Variants in BRINP3 observed in about 807,000 individuals in gnomAD.
The protein encoded by BRINP3 is BMP/retinoic acid-inducible neural-specific protein 3.
BRINP3 carries 19 observed loss-of-function variants against 71.0 expected under a neutral mutation model. That is an observed-to-expected ratio of 0.27 (90% CI 0.19 to 0.39). The LOEUF (loss-of-function observed/expected upper bound fraction) is 0.39. BRINP3 is among the 10% of genes least tolerant of loss of function. The probability of loss-of-function intolerance (pLI) is 1.00; values close to 1 mark genes in which losing one functional copy is unlikely to be tolerated. For missense variants in BRINP3, 959 were observed against 940.8 expected (o/e 1.02, Z -0.25); for synonymous variants, 380 against 337.7 (o/e 1.13, Z -1.37).
intron 2 of BRINP3, among the ~76,000 whole-genome samples, chr1:190,412,470 T>TG (rs373736271): frequency 0.16 from 22,521 of 142,072 alleles, 1,941 homozygotes; most frequent in Middle Eastern, 0.2. Context: ...TTTTTTGTTT[T>TG]TTTTTTTTTT....
intron 1 of BRINP3, among the ~76,000 whole-genome samples, chr1:190,472,888 A>T (rs2102716660): frequency 6.6e-6 from 1 of 151,778 alleles, no homozygotes; most frequent in South Asian, 2.1e-4. Context: ...ACTTAATTAT[A>T]ATGTACAATA....
chr1:190,214,764 A>G (rs966402821), intron 6 of BRINP3, among the ~76,000 whole-genome samples: 6 of 151,994 alleles, frequency 3.9e-5, no homozygotes, highest in Non-Finnish European at 2.9e-5. Context: ...AATTAGGAAG[A>G]AGTCAATGGT....
chr1:190,097,907 T>C lies in BRINP3; in HGVS notation c.*111A>G, dbSNP rs567300221. ...TGCCATCCAATGTTATTGACTGATATAAGACAGATATTGAAAAGACAATTT... is the reference window on the plus strand; with the variant it reads ...TGCCATCCAATGTTATTGACTGATACAAGACAGATATTGAAAAGACAATTT... On this transcript the variant is annotated 3_prime_UTR_variant, in exon 8 of 8. Coordinates refer to ENST00000367462, the MANE Select transcript of BRINP3 (RefSeq NM_199051.3). 9 of 1,178,188 alleles carry C rather than the reference T, an allele frequency of 7.6e-6. No individual in the cohort carries two copies. The African/African-American group carries it at 1.2e-4, about 16-fold the overall frequency. The allele number at this position is 1,178,188 out of a possible 1,614,324, so 73.0% of individuals were successfully genotyped here. A position where few individuals can be genotyped will look rare whatever the true frequency, so the allele number is the denominator to read the frequency against.
At chr1:190,182,187 G>C (rs1401319249) in intron 6 of BRINP3, among the ~76,000 whole-genome samples, 1 of 151,592 alleles carries the variant, frequency 6.6e-6, no homozygotes, top group Non-Finnish European at 1.5e-5. Context: ...ATCCTATTTA[G>C]GATTCTTTCA....
At chr1:190,281,325 A>G (rs1476000813) in intron 3 of BRINP3, among the ~76,000 whole-genome samples, 2 of 151,972 alleles carry the variant, frequency 1.3e-5, no homozygotes, top group African/African-American at 2.4e-5. Context: ...AAATATTTGT[A>G]TGTTATTAGA....
intron 5 of BRINP3, among the ~76,000 whole-genome samples, chr1:190,227,138 A>C (rs2102705830): frequency 6.6e-6 from 1 of 152,044 alleles, no homozygotes; most frequent in Non-Finnish European, 1.5e-5. Context: ...ATAAGTAGGT[A>C]AAAATGAATA....
At chr1:190,277,087 T>TTTTA (rs1290283215) in intron 3 of BRINP3, among the ~76,000 whole-genome samples, 14 of 36,034 alleles carry the variant, frequency 3.9e-4, no homozygotes, top group Non-Finnish European at 7.3e-4. Context: ...AATTTTGGTT[T>TTTTA]TATATATATA....
chr1:190,395,205 A>G (rs981731931), intron 2 of BRINP3, among the ~76,000 whole-genome samples: 2 of 151,682 alleles, frequency 1.3e-5, no homozygotes, highest in African/African-American at 4.8e-5. Context: ...TTAATACATT[A>G]TTTTACTAGG....
intron 7 of BRINP3, among the ~76,000 whole-genome samples, chr1:190,116,121 AC>A (rs1008762907): frequency 4.6e-5 from 7 of 152,124 alleles, no homozygotes; most frequent in Admixed American, 3.3e-4. Context: ...TACTGTCTAT[AC>A]TTGATATTTT....
At chr1:190,135,627 G>A (rs950844024) in intron 7 of BRINP3, among the ~76,000 whole-genome samples, 8 of 152,040 alleles carry the variant, frequency 5.3e-5, no homozygotes, top group African/African-American at 1.7e-4. Flanking sequence ...AATTACCAAT[G>A]ATACTTGCAT....
At chr1:190,376,169 A>T (rs1048523785) in intron 2 of BRINP3, among the ~76,000 whole-genome samples, 3 of 151,250 alleles carry the variant, frequency 2.0e-5, no homozygotes, top group Non-Finnish European at 3.0e-5. Flanking sequence ...TTTTTTTTTT[A>T]ATATAGTAGC....
intron 2 of BRINP3, among the ~76,000 whole-genome samples, chr1:190,291,453 A>G (rs1364824517): frequency 6.6e-6 from 1 of 152,164 alleles, no homozygotes; most frequent in African/African-American, 2.4e-5. Flanking sequence ...AATAATAAAA[A>G]GTAAAACAAA....
chr1:190,331,527 T>A (rs1666964272), intron 2 of BRINP3, among the ~76,000 whole-genome samples: 1 of 151,982 alleles, frequency 6.6e-6, no homozygotes, highest in African/African-American at 2.4e-5. Flanking sequence ...GTTCTGTTCA[T>A]CCTCAGAAAG....
intron 2 of BRINP3, among the ~76,000 whole-genome samples, chr1:190,316,380 T>G (rs553932906): frequency 6.6e-6 from 1 of 152,220 alleles, no homozygotes; most frequent in Non-Finnish European, 1.5e-5. Flanking sequence ...GAGTCAGAAT[T>G]GAGCCAAAGA....
chr1:190,162,226 C>T (rs1420865014), intron 6 of BRINP3, among the ~76,000 whole-genome samples: 4 of 146,554 alleles, frequency 2.7e-5, no homozygotes, highest in Non-Finnish European at 5.9e-5. Flanking sequence ...GGGTTTTGCT[C>T]GTTATCCAGG....
At chr1:190,109,674 G>A (rs1269549817) in intron 7 of BRINP3, among the ~76,000 whole-genome samples, 1 of 152,218 alleles carries the variant, frequency 6.6e-6, no homozygotes, top group Non-Finnish European at 1.5e-5. Flanking sequence ...AGTCCAATGA[G>A]GATCTGGATG....
chr1:190,251,765 C>A (rs528942959), intron 4 of BRINP3, among the ~76,000 whole-genome samples: 6 of 150,252 alleles, frequency 4.0e-5, no homozygotes, highest in African/African-American at 1.5e-4. Context: ...TTGCATTTCA[C>A]TTAATATGAT....
intron 2 of BRINP3, chr1:190,362,419 C>T (rs559819121): frequency 2.6e-5 from 4 of 152,226 alleles, no homozygotes; most frequent in African/African-American, 9.6e-5. Flanking sequence ...TAAGCTATAT[C>T]TTAAATGGTA....
chr1:190,152,462 A>G (rs1656479099), intron 7 of BRINP3, among the ~76,000 whole-genome samples: 1 of 151,362 alleles, frequency 6.6e-6, no homozygotes, highest in African/African-American at 2.4e-5. Context: ...TAATGAGATG[A>G]TCATTTTGAA....
Sources: gnomAD v4.1 joint callset for allele counts (sites outside exome capture counted in the v4.1 genomes callset) on GRCh38, gnomAD v4.1.1 for gene constraint, MANE v1.5 for transcripts, NCBI Gene and HGNC (gene_info 2026-07-23, HGNC 2026-07-21) for gene names.